Variants in FER observed in about 807,000 individuals in gnomAD.
FER encodes tyrosine-protein kinase Fer.
FER carries 63 observed loss-of-function variants against 111.0 expected under a neutral mutation model. That is an observed-to-expected ratio of 0.57 (90% CI 0.46 to 0.70). The LOEUF (loss-of-function observed/expected upper bound fraction) is 0.70, where lower values mean the gene tolerates loss of function less well. FER is among the 30% of genes least tolerant of loss of function. The pLI is 0.00. For synonymous variants in FER, 327 were observed against 313.9 expected (o/e 1.04, Z -0.44); for missense variants, 914 against 954.0 (o/e 0.96, Z 0.55).
chr5:108,865,235 C>G (rs990855720), intron 5 of FER, among the ~76,000 whole-genome samples: 1 of 152,138 alleles, frequency 6.6e-6, no homozygotes, highest in Non-Finnish European at 1.5e-5. Context: ...AGTTGCCTAT[C>G]AGCTTAAGGA....
intron 13 of FER, among the ~76,000 whole-genome samples, chr5:109,002,690 A>C (rs1764952984): frequency 6.6e-6 from 1 of 152,238 alleles, no homozygotes; most frequent in Non-Finnish European, 1.5e-5. Context: ...CAGGCAACCT[A>C]CAAAATGGGA....
intron 1 of FER, among the ~76,000 whole-genome samples, chr5:108,753,583 A>G (rs947057356): frequency 6.6e-6 from 1 of 152,218 alleles, no homozygotes; most frequent in Non-Finnish European, 1.5e-5. Context: ...ATCTCTAACT[A>G]GTGCCCCCGC....
intron 16 of FER, among the ~76,000 whole-genome samples, chr5:109,068,277 G>A (rs1020821656): frequency 2.0e-5 from 3 of 151,760 alleles, no homozygotes; most frequent in Admixed American, 6.6e-5. Flanking sequence ...TCTGCCTTCC[G>A]GGTTCAAGCA....
At position 108,785,138 on chromosome 5, in the gene FER, C is replaced by T. The variant is rs149139769; in HGVS notation, c.-59-12986C>T. ...GGACAAGCTGGTCAAGGTATGGAAT[C>T]TGGCTAACTGCAAGCTGAAGACCAA... On this transcript the variant is annotated intron_variant, in intron 2 of 19. Coordinates refer to ENST00000281092, the MANE Select transcript of FER (RefSeq NM_005246.4). 817 of 583,534 alleles carry T rather than the reference C, an allele frequency of 1.4e-3. 6 individuals are homozygous for T. The African/African-American group carries it at 0.015, about 10-fold the overall frequency. The allele number at this position is 583,534 out of a possible 1,614,324, so 36.1% of individuals were successfully genotyped here.
chr5:108,911,923 G>C (rs914327044), intron 10 of FER, among the ~76,000 whole-genome samples: 1 of 152,110 alleles, frequency 6.6e-6, no homozygotes. Flanking sequence ...CAATTCCCAC[G>C]TGTTGTGGCA....
intron 17 of FER, among the ~76,000 whole-genome samples, chr5:109,163,289 G>C (rs943956769): frequency 1.3e-5 from 2 of 151,996 alleles, no homozygotes; most frequent in African/African-American, 4.8e-5. Flanking sequence ...CCAATCTCCA[G>C]TTGATAAACA....
At chr5:108,961,865 G>T (rs186628940) in intron 13 of FER, among the ~76,000 whole-genome samples, 1 of 152,098 alleles carries the variant, frequency 6.6e-6, no homozygotes, top group Non-Finnish European at 1.5e-5. Context: ...TTTAATTTGT[G>T]TGAAAAGTAA....
chr5:108,987,499 C>T (rs1023036721), intron 13 of FER, among the ~76,000 whole-genome samples: 2 of 151,974 alleles, frequency 1.3e-5, no homozygotes, highest in Non-Finnish European at 2.9e-5. Flanking sequence ...AGGTCTTTCA[C>T]CTCAGTGGTT....
chr5:109,085,863 T>G (rs1414919579), intron 16 of FER, among the ~76,000 whole-genome samples: 1 of 151,782 alleles, frequency 6.6e-6, no homozygotes, highest in Non-Finnish European at 1.5e-5. Context: ...GTAGATTGAT[T>G]TTTAATGTTA....
At chr5:108,898,568 T>G (rs761098350) in intron 10 of FER, among the ~76,000 whole-genome samples, 97 of 114,872 alleles carry the variant, frequency 8.4e-4, no homozygotes, top group Non-Finnish European at 1.4e-3. Context: ...TCCCTTCCCT[T>G]CCCTCCCTTC....
At chr5:108,893,535 A>C (rs921042393) in intron 9 of FER, among the ~76,000 whole-genome samples, 1 of 151,986 alleles carries the variant, frequency 6.6e-6, no homozygotes, top group Admixed American at 6.6e-5. Flanking sequence ...GTAGTTTTAT[A>C]ATCTGGCCAA....
chr5:109,023,429 G>A (rs1768211288), intron 13 of FER, among the ~76,000 whole-genome samples: 5 of 152,054 alleles, frequency 3.3e-5, no homozygotes, highest in African/African-American at 9.7e-5. Context: ...ACTTGGATAC[G>A]TCCAAGTTGA....
In FER at chr5:109,013,234, C is replaced by T. The variant is rs192755297; in HGVS notation, c.1657-24188C>T. 9.3e-3 allele frequency among the ~76,000 whole-genome samples: 1,006 copies of T among 108,454 alleles called. 12 individuals carry two copies. Among genetic ancestry groups the T allele is most frequent in the South Asian group, 0.027 (67 of 2,488 alleles). 71.2% of individuals were successfully genotyped at this position (108,454 alleles called of 152,430 possible). A position where few individuals can be genotyped will look rare whatever the true frequency, so the allele number is the denominator to read the frequency against. The stretch of plus-strand genomic sequence containing the variant: ...CCTAATGCTATCCCTCCCCCCTCCC[C>T]CCACCCCACAACAGTCCCCGAAGTG... On this transcript the variant is annotated intron_variant, in intron 13 of 19. Transcript: ENST00000281092.
At chr5:109,029,810 T>C (rs1433744990) in intron 13 of FER, among the ~76,000 whole-genome samples, 1 of 152,168 alleles carries the variant, frequency 6.6e-6, no homozygotes, top group Non-Finnish European at 1.5e-5. Context: ...TTGAATTTAT[T>C]TGTGTTTATC....
intron 16 of FER, among the ~76,000 whole-genome samples, chr5:109,084,866 T>C (rs185645384): frequency 4.1e-4 from 63 of 152,046 alleles, no homozygotes; most frequent in African/African-American, 1.5e-3. Flanking sequence ...CCTTTCCTCA[T>C]TGAGTTGCTT....
intron 5 of FER, among the ~76,000 whole-genome samples, chr5:108,857,188 G>A (rs981159374): frequency 2.0e-5 from 3 of 152,052 alleles, no homozygotes; most frequent in Admixed American, 6.5e-5. Flanking sequence ...ATATAAAAAC[G>A]TAAATGTATA....
chr5:108,791,638 T>C (rs546676295), intron 2 of FER, among the ~76,000 whole-genome samples: 1 of 151,564 alleles, frequency 6.6e-6, no homozygotes, highest in South Asian at 2.1e-4. Context: ...AGGTTGTCTT[T>C]TCACTTTCTT....
At chr5:109,023,487 C>G (rs1237110009) in intron 13 of FER, among the ~76,000 whole-genome samples, 1 of 152,032 alleles carries the variant, frequency 6.6e-6, no homozygotes, top group Non-Finnish European at 1.5e-5. Context: ...GAACATACCA[C>G]ATGCTTCTTA....
At chr5:109,032,641 C>A (rs1040571692) in intron 13 of FER, among the ~76,000 whole-genome samples, 1 of 152,154 alleles carries the variant, frequency 6.6e-6, no homozygotes, top group South Asian at 2.1e-4. Flanking sequence ...TTCTTCTTTT[C>A]TCAGTGTCAC....
Sources: gnomAD v4.1 joint callset for allele counts (sites outside exome capture counted in the v4.1 genomes callset) on GRCh38, gnomAD v4.1.1 for gene constraint, MANE v1.5 for transcripts, NCBI Gene and HGNC (gene_info 2026-07-23, HGNC 2026-07-21) for gene names.